The following SIKE1 variants were observed in gnomAD, a reference collection of about 807,000 sequenced individuals.
SIKE1 encodes the protein suppressor of IKBKE 1, also known as suppressor of IKK epsilon.
SIKE1 carries 13 observed loss-of-function variants against 25.8 expected under a neutral mutation model. The ratio of observed to expected loss-of-function variants is 0.50; its 90% CI spans 0.33 to 0.80. The LOEUF is 0.80. SIKE1 is among the 30% of genes least tolerant of loss of function. The pLI, the probability that SIKE1 is intolerant of heterozygous loss-of-function variation, is 0.02. For missense variants in SIKE1, 222 were observed against 252.4 expected, an observed-to-expected ratio of 0.88 and a Z score of 0.82; for synonymous variants, 86 against 95.5, an observed-to-expected ratio of 0.90 and a Z score of 0.58.
Position 114,779,267 on chromosome 1 carries a change from C to T in SIKE1, c.283G>A (p.Glu95Lys), listed in dbSNP as rs1183942233. 7 of 1,614,080 alleles carry T rather than the reference C, an allele frequency of 4.3e-6. No homozygotes were observed. The highest frequency in any genetic ancestry group is 3.3e-5 in the Admixed American group (2 of 60,014). Residue 95 changes from glutamate to lysine, a missense_variant, in exon 3 of 5, where the codon GAG becomes AAG. Coordinates refer to ENST00000060969, the MANE Select transcript of SIKE1 (RefSeq NM_025073.3). ...AGTTCCAAAGCATCCTGGTGTTCCTCCAAGGAAATCCATAGCTCTGTCAAA... is the reference window on the plus strand; with the variant it reads ...AGTTCCAAAGCATCCTGGTGTTCCTTCAAGGAAATCCATAGCTCTGTCAAA... ...QENRELWISL[E>K]EHQDALELIM... is the part of the protein sequence containing the mutation.
chr1:114,777,425 G>C (rs1417873775), intron 3 of SIKE1, among the ~76,000 whole-genome samples: 2 of 152,114 alleles, frequency 1.3e-5, no homozygotes, highest in Non-Finnish European at 2.9e-5. Flanking sequence ...CAGACATCAA[G>C]TTGATAATCA....
Position 114,774,237 on chromosome 1 carries a change from G to T in SIKE1, c.*34C>A. ...TGGGAAGACAGTAACTTCCTTCCTT[G>T]ATAGACAATCTCCAGCCATCATTCA... On this transcript the variant is annotated 3_prime_UTR_variant, in exon 5 of 5. Coordinates refer to ENST00000060969, the MANE Select transcript of SIKE1 (RefSeq NM_025073.3). The T allele has an allele frequency of 1.3e-6, 2 of 1,512,544 alleles. No individual in the cohort carries two copies. Among genetic ancestry groups the T allele is most frequent in the Non-Finnish European group, 1.8e-6 (2 of 1,090,452 alleles). The allele number at this position is 1,512,544 out of a possible 1,614,324, so 93.7% of individuals were successfully genotyped here. A position where few individuals can be genotyped will look rare whatever the true frequency, so the allele number is the denominator to read the frequency against.
chr1:114,777,732 G>A (rs1662286501), intron 3 of SIKE1, among the ~76,000 whole-genome samples: 1 of 152,096 alleles, frequency 6.6e-6, no homozygotes, highest in Non-Finnish European at 1.5e-5. Context: ...CTGATTCGAT[G>A]CAAGCAATGT....
rs1254179166 is a variant in SIKE1, at chr1:114,771,909, A to G, written c.*2362T>C. Reference sequence around the variant, plus strand: ...GTGTCTTTAGGAATTGTTTGAGATGATTAGAATACAAATTCTTGAACTTCA... The same window carrying G: ...GTGTCTTTAGGAATTGTTTGAGATGGTTAGAATACAAATTCTTGAACTTCA... On this transcript the variant is annotated 3_prime_UTR_variant, in exon 5 of 5. Transcript: ENST00000060969. 6.6e-6 allele frequency: 1 copy of G among 152,224 alleles called. No homozygotes were observed. The highest frequency in any genetic ancestry group is 2.4e-5 in the African/African-American group (1 of 41,466). The allele number at this position is 152,224 out of a possible 1,614,324, so 9.4% of individuals were successfully genotyped here. A position where few individuals can be genotyped will look rare whatever the true frequency, so the allele number is the denominator to read the frequency against.
At chr1:114,777,790 G>T (rs114121946) in intron 3 of SIKE1, among the ~76,000 whole-genome samples, 3,110 of 151,944 alleles carry the variant, frequency 0.02, 60 homozygotes, top group Middle Eastern at 0.068. Context: ...CAATCCCCCA[G>T]TAGGTCCACA....
chr1:114,770,945 G>C lies in SIKE1; in HGVS notation c.*3326C>G, dbSNP rs1186779662. ...GTACCAGTGGCCATTTAACTGGTCAGGCAATTAAGTCAAGGGAAAATCCAT... is the reference window on the plus strand; with the variant it reads ...GTACCAGTGGCCATTTAACTGGTCACGCAATTAAGTCAAGGGAAAATCCAT... On this transcript the variant is annotated 3_prime_UTR_variant, in exon 5 of 5. Transcript: ENST00000060969. 1 of 152,232 alleles carries C rather than the reference G, an allele frequency of 6.6e-6. No individual in the cohort carries two copies. The highest frequency in any genetic ancestry group is 1.5e-5 in the Non-Finnish European group (1 of 68,046). The allele number at this position is 152,232 out of a possible 1,614,324, so 9.4% of individuals were successfully genotyped here.
At chr1:114,776,016 C>A (rs1662228186) in intron 4 of SIKE1, among the ~76,000 whole-genome samples, 1 of 152,074 alleles carries the variant, frequency 6.6e-6, no homozygotes, top group African/African-American at 2.4e-5. Flanking sequence ...ATTTCCTGAT[C>A]ATCAATTTTA....
chr1:114,775,495 ATGCTT>A (rs914662990), intron 4 of SIKE1, among the ~76,000 whole-genome samples: 2 of 145,492 alleles, frequency 1.4e-5, no homozygotes, highest in African/African-American at 5.3e-5. Context: ...ATTCACTGAA[ATGCTT>A]TGCTTTTTTT....
chr1:114,777,892 A>C (rs1400425178), intron 3 of SIKE1, among the ~76,000 whole-genome samples: 1 of 152,210 alleles, frequency 6.6e-6, no homozygotes, highest in Non-Finnish European at 1.5e-5. Context: ...TGGCTGTTTA[A>C]CTTAAATTTG....
At chr1:114,779,785 T>C (rs938143617) in intron 2 of SIKE1, among the ~76,000 whole-genome samples, 9 of 152,232 alleles carry the variant, frequency 5.9e-5, no homozygotes, top group Non-Finnish European at 1.0e-4. Flanking sequence ...CCTTAAATCT[T>C]ACCTTCAGTG....
rs930936058 is a variant in SIKE1, at chr1:114,772,856, C to A, written c.*1415G>T. 6.6e-6 allele frequency: 1 copy of A among 152,148 alleles called. No homozygotes were observed. Among genetic ancestry groups the A allele is most frequent in the Non-Finnish European group, 1.5e-5 (1 of 68,024 alleles). The allele number at this position is 152,148 out of a possible 1,614,324, so 9.4% of individuals were successfully genotyped here. Reference sequence around the variant, plus strand: ...AATGACATATACCTATTCATTAACACCCACTGCTCTAGATGACATCCATTA... The same window carrying A: ...AATGACATATACCTATTCATTAACAACCACTGCTCTAGATGACATCCATTA... On this transcript the variant is annotated 3_prime_UTR_variant, in exon 5 of 5. Coordinates refer to ENST00000060969, the MANE Select transcript of SIKE1 (RefSeq NM_025073.3).
At chr1:114,775,581 A>AC (rs1429176663) in intron 4 of SIKE1, among the ~76,000 whole-genome samples, 63 of 145,962 alleles carry the variant, frequency 4.3e-4, no homozygotes, top group Admixed American at 2.6e-3. Flanking sequence ...ATCGTGGCTC[A>AC]CTGCAGCCTT....
At position 114,776,458 on chromosome 1, in the gene SIKE1, T is replaced by G. The variant is rs754857340; in HGVS notation, c.410A>C (p.Glu137Ala). Residue 137 changes from glutamate (E) to alanine (A), a missense_variant and splice_region_variant, in exon 4 of 5, where the codon GAA becomes GCA. Coordinates refer to ENST00000060969, the MANE Select transcript of SIKE1 (RefSeq NM_025073.3). ...GATTCTGTCAATCTGACTCTCAATT[T>G]CCTGTGAAGATATTAAGGAAACAAA... is the stretch of plus-strand genomic sequence containing the variant. Reference protein sequence around the residue: ...VLKAHQSHSAEIESQIDRICE... With the variant: ...VLKAHQSHSAAIESQIDRICE... The G allele has an allele frequency of 2.5e-6, 4 of 1,600,246 alleles. No homozygotes were observed. The South Asian group carries it at 4.4e-5, about 18-fold the overall frequency.
chr1:114,777,874 T>C (rs2101132469), intron 3 of SIKE1, among the ~76,000 whole-genome samples: 1 of 152,290 alleles, frequency 6.6e-6, no homozygotes, highest in East Asian at 1.9e-4. Flanking sequence ...TTGGATACTA[T>C]CTCTAAGTGG....
At chr1:114,780,078 A>G (rs779686129) in intron 2 of SIKE1, 32 bp downstream of exon 2, 2 of 1,498,538 alleles carry the variant, frequency 1.3e-6, no homozygotes, top group Non-Finnish European at 9.2e-7. Context: ...ATAACTTTAA[A>G]CTATTACCAG....
Position 114,779,186 on chromosome 1 carries a change from C to A in SIKE1, c.364G>T (p.Val122Leu), listed in dbSNP as rs1240146949. 6.2e-7 allele frequency: 1 copy of A among 1,614,198 alleles called. No individual in the cohort carries two copies. The highest frequency in any genetic ancestry group is 1.1e-5 in the South Asian group (1 of 91,076). ...GCTTTCAGGACTGGTTCAGCATCCA[C>A]CGCTTTTTTAGCAACCATTAACTGT... is the stretch of plus-strand genomic sequence containing the variant. ...MLQLMVAKKA[V>L]DAEPVLKAHQ... is the part of the protein sequence containing the mutation. The change falls in exon 3 of 5, where the codon GTG becomes TTG. Residue 122 changes from valine (V) to leucine (L), a missense_variant. Transcript: ENST00000060969.
In SIKE1 at chr1:114,770,741, A is replaced by G. The variant is rs1662047102; in HGVS notation, c.*3530T>C. 8 of 152,256 alleles carry G rather than the reference A, an allele frequency of 5.3e-5. No homozygotes were observed. In the South Asian group the frequency reaches 1.7e-3, roughly 31 times the overall value. 9.4% of individuals were successfully genotyped at this position (152,256 alleles called of 1,614,324 possible). ...TACAGCCCATTCTCTTGGCCATTCA[A>G]TGTCAACACACTCCTTCAGCTAATT... is the stretch of plus-strand genomic sequence containing the variant. On this transcript the variant is annotated 3_prime_UTR_variant, in exon 5 of 5. Transcript: ENST00000060969.
rs956750539 is a variant in SIKE1, at chr1:114,770,954, G to A, written c.*3317C>T. On this transcript the variant is annotated 3_prime_UTR_variant, in exon 5 of 5. Coordinates refer to ENST00000060969, the MANE Select transcript of SIKE1 (RefSeq NM_025073.3). ...GCCATTTAACTGGTCAGGCAATTAA[G>A]TCAAGGGAAAATCCATTTGGGATTT... 6 of 152,252 alleles carry A rather than the reference G, an allele frequency of 3.9e-5. No homozygotes were observed. The highest frequency in any genetic ancestry group is 7.3e-5 in the Non-Finnish European group (5 of 68,048). 9.4% of individuals were successfully genotyped at this position (152,252 alleles called of 1,614,324 possible).
In SIKE1 at chr1:114,773,338, A is replaced by AT. The variant is rs1491170090; in HGVS notation, c.*932_*933insA. 1.3e-5 allele frequency: 2 copies of AT among 152,126 alleles called. No individual in the cohort carries two copies. The highest frequency in any genetic ancestry group is 4.8e-5 in the African/African-American group (2 of 41,456). 9.4% of individuals were successfully genotyped at this position (152,126 alleles called of 1,614,324 possible). ...CCTGCTTCTATGTAAACAAAAAAAA[A>AT]GAAAGCCAACTATTAGTGCTAGGAA... On this transcript the variant is annotated 3_prime_UTR_variant, in exon 5 of 5. Coordinates refer to ENST00000060969, the MANE Select transcript of SIKE1 (RefSeq NM_025073.3).
Sources: gnomAD v4.1 joint callset for allele counts (sites outside exome capture counted in the v4.1 genomes callset) on GRCh38, gnomAD v4.1.1 for gene constraint, MANE v1.5 for transcripts, NCBI Gene and HGNC (gene_info 2026-07-23, HGNC 2026-07-21) for gene names.